The following MAD1L1 variants were observed in gnomAD, a reference collection of about 807,000 sequenced individuals.
The protein encoded by MAD1L1 is mitotic arrest deficient 1 like 1, also known as mitotic spindle assembly checkpoint protein MAD1.
In MAD1L1, 95 loss-of-function variants were observed where a neutral mutation model predicts 96.9. That is an observed-to-expected ratio of 0.98 (90% CI 0.83 to 1.16). The LOEUF is 1.16. Ranked by LOEUF, MAD1L1 falls within the 50% of genes most tolerant of loss-of-function variation. The probability of loss-of-function intolerance (pLI) is 0.00; values close to 1 mark genes in which losing one functional copy is unlikely to be tolerated. For missense variants in MAD1L1, 1,007 were observed against 954.4 expected, an observed-to-expected ratio of 1.06 and a Z score of -0.73; for synonymous variants, 473 against 396.6, an observed-to-expected ratio of 1.19 and a Z score of -2.29.
intron 18 of MAD1L1, among the ~76,000 whole-genome samples, chr7:1,844,998 G>C (rs1269719821): frequency 1.3e-5 from 2 of 152,224 alleles, no homozygotes; most frequent in African/African-American, 2.4e-5. Context: ...GGAGGGGCCT[G>C]AGCCCGAGGC....
intron 18 of MAD1L1, among the ~76,000 whole-genome samples, chr7:1,827,081 C>T (rs1211421857): frequency 3.3e-5 from 5 of 152,354 alleles, no homozygotes; most frequent in East Asian, 3.9e-4. Context: ...GTGGGGGCGC[C>T]GGCTCGGGGT....
intron 14 of MAD1L1, among the ~76,000 whole-genome samples, chr7:1,992,813 C>T (rs999614306): frequency 4.4e-4 from 67 of 152,122 alleles, no homozygotes; most frequent in African/African-American, 1.5e-3. Flanking sequence ...ATGGGCTCTA[C>T]GTCAGGGAGG....
chr7:2,047,027 T>C (rs1208719329), intron 12 of MAD1L1, among the ~76,000 whole-genome samples: 1 of 152,182 alleles, frequency 6.6e-6, no homozygotes, highest in Non-Finnish European at 1.5e-5. Context: ...CATGCCCCAA[T>C]GCCAGCTCCC....
At chr7:2,074,549 G>A (rs1464420195) in intron 11 of MAD1L1, among the ~76,000 whole-genome samples, 17 of 152,214 alleles carry the variant, frequency 1.1e-4, no homozygotes, top group Admixed American at 9.2e-4. Flanking sequence ...ACCTCTAGGC[G>A]CTACGGAATC....
chr7:1,914,974 G>A (rs1293859340), intron 17 of MAD1L1, among the ~76,000 whole-genome samples: 1 of 152,166 alleles, frequency 6.6e-6, no homozygotes, highest in African/African-American at 2.4e-5. Context: ...GCCTCATGCG[G>A]TGGCATCTAA....
At chr7:2,186,458 G>A (rs542554094) in intron 10 of MAD1L1, among the ~76,000 whole-genome samples, 44 of 152,352 alleles carry the variant, frequency 2.9e-4, no homozygotes, top group Non-Finnish European at 8.8e-5. Context: ...TGTTATGTAC[G>A]TAAGACGTCC....
At chr7:1,817,448 A>G (rs1781873138) in intron 18 of MAD1L1, 1 of 152,058 alleles carries the variant, frequency 6.6e-6, no homozygotes. Flanking sequence ...GAGACACAAA[A>G]CCGGGTTTAC....
intron 12 of MAD1L1, among the ~76,000 whole-genome samples, chr7:2,040,924 C>G (rs1335677574): frequency 6.6e-6 from 1 of 152,236 alleles, no homozygotes; most frequent in African/African-American, 2.4e-5. Context: ...AAACCTTCTA[C>G]GTGATGTGTG....
At chr7:2,078,141 G>A (rs1224937882) in intron 11 of MAD1L1, among the ~76,000 whole-genome samples, 2 of 152,264 alleles carry the variant, frequency 1.3e-5, no homozygotes, top group Admixed American at 6.5e-5. Context: ...CACGACAGAC[G>A]CAGGCTCCTT....
chr7:2,214,801 C>T (rs944359027), intron 9 of MAD1L1, among the ~76,000 whole-genome samples: 6 of 152,202 alleles, frequency 3.9e-5, no homozygotes, highest in African/African-American at 1.4e-4. Context: ...TACCAACTGC[C>T]GCGGTGAAGA....
chr7:2,204,641 G>A (rs1462646409), intron 10 of MAD1L1, among the ~76,000 whole-genome samples: 2 of 152,232 alleles, frequency 1.3e-5, no homozygotes, highest in East Asian at 1.9e-4. Flanking sequence ...CGCCGCTGCC[G>A]CGCATTACAC....
chr7:1,818,418 C>T (rs1407552965), intron 18 of MAD1L1, among the ~76,000 whole-genome samples: 1 of 152,116 alleles, frequency 6.6e-6, no homozygotes, highest in African/African-American at 2.4e-5. Context: ...GAGTCTCACT[C>T]TGTCACCCAG....
At chr7:2,121,678 T>A (rs1220161370) in intron 11 of MAD1L1, among the ~76,000 whole-genome samples, 1 of 147,216 alleles carries the variant, frequency 6.8e-6, no homozygotes, top group East Asian at 2.1e-4. Flanking sequence ...AAACTCAGCC[T>A]CCAGCACTAG....
At chr7:2,098,185 T>C (rs1412789267) in intron 11 of MAD1L1, among the ~76,000 whole-genome samples, 3 of 152,120 alleles carry the variant, frequency 2.0e-5, no homozygotes, top group African/African-American at 7.2e-5. Context: ...AAAATGACCT[T>C]GAGTCTTTGA....
At chr7:1,961,958 A>G (rs1036600563) in intron 15 of MAD1L1, among the ~76,000 whole-genome samples, 2 of 150,596 alleles carry the variant, frequency 1.3e-5, no homozygotes, top group Non-Finnish European at 1.5e-5. Context: ...GTGGTGGGAG[A>G]TAATGAATCA....
At chr7:2,054,023 G>C (rs1266276258) in intron 12 of MAD1L1, among the ~76,000 whole-genome samples, 1 of 152,248 alleles carries the variant, frequency 6.6e-6, no homozygotes. Context: ...GGTCAGGGCT[G>C]CACCCGGGTG....
In MAD1L1 at chr7:2,031,154, A is replaced by G. The variant is rs562554728; in HGVS notation, c.1219-16512T>C. Among the ~76,000 whole-genome samples the G allele has an allele frequency of 7.9e-5, 12 of 152,266 alleles. No individual in the cohort carries two copies. The East Asian group carries it at 2.3e-3, about 29-fold the overall frequency. On this transcript the variant is annotated intron_variant, in intron 12 of 18. Coordinates refer to ENST00000265854, the MANE Select transcript of MAD1L1 (RefSeq NM_001013836.2). ...TCCTGAAGGCAGCAGGAGGCTGAAC[A>G]CCAGGCCGCTCAGAGAGGAAGCACG...
At chr7:1,843,633 C>A (rs1019415581) in intron 18 of MAD1L1, among the ~76,000 whole-genome samples, 1 of 152,192 alleles carries the variant, frequency 6.6e-6, no homozygotes, top group African/African-American at 2.4e-5. Flanking sequence ...CTCCTGGGGG[C>A]CTCCTTCCTA....
At chr7:2,219,504 C>T (rs748181067) in intron 5 of MAD1L1, 48 bp from the exon 6 acceptor site, 12 of 1,594,222 alleles carry the variant, frequency 7.5e-6, no homozygotes, top group South Asian at 5.6e-5. Flanking sequence ...GGAGCCCGTG[C>T]GTGGAAGGAG....
Sources: allele counts gnomAD v4.1 joint callset (sites outside exome capture counted in the v4.1 genomes callset), GRCh38; gene constraint gnomAD v4.1.1; transcripts MANE v1.5; gene names NCBI Gene and HGNC (gene_info 2026-07-23, HGNC 2026-07-21).